The following SEC23IP variants were observed in gnomAD, a reference collection of about 807,000 sequenced individuals.
SEC23IP encodes SEC23 interacting protein.
In SEC23IP, 70 loss-of-function variants were observed where a neutral mutation model predicts 113.4. The ratio of observed to expected loss-of-function variants is 0.62; its 90% CI spans 0.51 to 0.75. SEC23IP has a LOEUF of 0.75. Ranked by LOEUF, SEC23IP falls within the 30% of genes least tolerant of loss-of-function variation. The probability of loss-of-function intolerance (pLI) is 0.00; values close to 1 mark genes in which losing one functional copy is unlikely to be tolerated. For missense variants in SEC23IP, 1,160 were observed against 1,204.9 expected, an observed-to-expected ratio of 0.96 and a Z score of 0.55; for synonymous variants, 398 against 421.0, an observed-to-expected ratio of 0.95 and a Z score of 0.67.
intron 11 of SEC23IP, 96 bp downstream of exon 11, chr10:119,919,692 G>C (rs1003698103): frequency 6.3e-6 from 6 of 949,284 alleles, no homozygotes; most frequent in African/African-American, 1.7e-5. Flanking sequence ...ATACACTCCA[G>C]AGTAGACAAA....
At chr10:119,935,169 A>G (rs1315794331) in intron 18 of SEC23IP, among the ~76,000 whole-genome samples, 2 of 152,132 alleles carry the variant, frequency 1.3e-5, no homozygotes, top group African/African-American at 2.4e-5. Context: ...CTTTTTTAAA[A>G]GACAAAAGAG....
intron 12 of SEC23IP, among the ~76,000 whole-genome samples, chr10:119,924,788 T>C (rs546431384): frequency 6.6e-6 from 1 of 152,164 alleles, no homozygotes; most frequent in Admixed American, 6.5e-5. Flanking sequence ...TAAAAAATTA[T>C]ATTTTTTGAG....
At chr10:119,924,280 C>T (rs1054650919) in intron 12 of SEC23IP, among the ~76,000 whole-genome samples, 4 of 152,248 alleles carry the variant, frequency 2.6e-5, no homozygotes, top group Admixed American at 6.5e-5. Flanking sequence ...CTGTTTAAAT[C>T]GAGACTAACA....
chr10:119,932,003 G>A (rs761144640), intron 15 of SEC23IP, 130 bp from the exon 16 acceptor site: 11 of 581,742 alleles, frequency 1.9e-5, no homozygotes, highest in South Asian at 5.0e-5. Flanking sequence ...GAGGCACTCC[G>A]TATATTTGAC....
At position 119,898,732 on chromosome 10, in the gene SEC23IP, C is replaced by A. The variant is rs752771895; in HGVS notation, c.469C>A (p.Pro157Thr). 9 of 1,614,090 alleles carry A rather than the reference C, an allele frequency of 5.6e-6. No individual in the cohort carries two copies. Among genetic ancestry groups the A allele is most frequent in the East Asian group, 2.2e-5 (1 of 44,902 alleles). ...ACTGATGGGAATAAATTCTTATCTG[C>A]CTTCTCAGCCAAGTAGTCTCCCTCC... The part of the protein sequence containing the change: ...SSLMGINSYL[P>T]SQPSSLPPSY... Residue 157 changes from proline to threonine, a missense_variant, in exon 2 of 19, where the codon CCT becomes ACT. Pro to Thr is a conservative substitution (Grantham distance 38). Coordinates refer to ENST00000369075, the MANE Select transcript of SEC23IP (RefSeq NM_007190.4).
Position 119,892,806 on chromosome 10 carries a change from T to C in SEC23IP, c.24T>C (p.Gly8=), listed in dbSNP as rs762792486. 1 of 1,612,062 alleles carries C rather than the reference T, an allele frequency of 6.2e-7. No homozygotes were observed. Among genetic ancestry groups the C allele is most frequent in the South Asian group, 1.1e-5 (1 of 90,718 alleles). The change falls in exon 1 of 19, where the codon GGT becomes GGC. Residue 8 remains glycine (G), a synonymous_variant. Coordinates refer to ENST00000369075, the MANE Select transcript of SEC23IP (RefSeq NM_007190.4). MAERKPN[G]GSGGASTSSS... Reference sequence around the variant, plus strand: ...CCATGGCCGAGAGAAAACCTAACGGTGGCAGCGGCGGCGCCTCCACTTCCT... The same window carrying C: ...CCATGGCCGAGAGAAAACCTAACGGCGGCAGCGGCGGCGCCTCCACTTCCT...
In SEC23IP at chr10:119,898,727, A is replaced by G; in HGVS notation, c.464A>G (p.Tyr155Cys). 6 of 1,614,212 alleles carry G rather than the reference A, an allele frequency of 3.7e-6. No individual in the cohort carries two copies. Among genetic ancestry groups the G allele is most frequent in the Non-Finnish European group, 5.1e-6 (6 of 1,180,038 alleles). The change falls in exon 2 of 19, where the codon TAT becomes TGT. Residue 155 changes from tyrosine to cysteine, a missense_variant. Transcript: ENST00000369075. Reference sequence around the variant, plus strand: ...TCCTCACTGATGGGAATAAATTCTTATCTGCCTTCTCAGCCAAGTAGTCTC... The same window carrying G: ...TCCTCACTGATGGGAATAAATTCTTGTCTGCCTTCTCAGCCAAGTAGTCTC... ...PPSSLMGINS[Y>C]LPSQPSSLPP...
chr10:119,898,313 T>C (rs1369235077), intron 1 of SEC23IP, 114 bp from the exon 2 acceptor site: 5 of 1,352,926 alleles, frequency 3.7e-6, no homozygotes. Context: ...AATGCAGAAA[T>C]AGCAAGTTTG....
intron 13 of SEC23IP, among the ~76,000 whole-genome samples, chr10:119,927,643 A>T (rs1226524507): frequency 6.6e-6 from 1 of 152,156 alleles, no homozygotes; most frequent in Non-Finnish European, 1.5e-5. Context: ...ATCTCATTTT[A>T]ACTTGATTAC....
At chr10:119,900,281 A>ATGTG (rs35080845) in intron 2 of SEC23IP, among the ~76,000 whole-genome samples, 73 of 137,148 alleles carry the variant, frequency 5.3e-4, no homozygotes, top group Middle Eastern at 3.8e-3. Context: ...GTGTGTGTGT[A>ATGTG]TGTGTGTGTG....
intron 18 of SEC23IP, among the ~76,000 whole-genome samples, chr10:119,937,178 G>C (rs1178194870): frequency 6.6e-6 from 1 of 151,768 alleles, no homozygotes; most frequent in Non-Finnish European, 1.5e-5. Context: ...CCCGGCCAGG[G>C]TCCTTTTCTT....
chr10:119,932,114 G>T lies in SEC23IP; in HGVS notation c.2573-19G>T. 6.4e-7 allele frequency: 1 copy of T among 1,553,328 alleles called. No homozygotes were observed. The highest frequency in any genetic ancestry group is 1.1e-5 in the South Asian group (1 of 88,778). Reference sequence around the variant, plus strand: ...ACCCAGTGACTAATTAACTTGTTGTGTCATCTTAATCTCTTTAGAATTGAA... The same window carrying T: ...ACCCAGTGACTAATTAACTTGTTGTTTCATCTTAATCTCTTTAGAATTGAA... On this transcript the variant is annotated intron_variant, in intron 15 of 18. Coordinates refer to ENST00000369075, the MANE Select transcript of SEC23IP (RefSeq NM_007190.4).
In SEC23IP at chr10:119,941,465, T is replaced by C. The variant is rs186103689; in HGVS notation, c.*900T>C. 6.6e-6 allele frequency: 1 copy of C among 152,410 alleles called. No individual in the cohort carries two copies. The highest frequency in any genetic ancestry group is 1.9e-4 in the East Asian group (1 of 5,196). 9.4% of individuals were successfully genotyped at this position (152,410 alleles called of 1,614,324 possible). ...TTCTGAGTTATATAAGGCTACTTCA[T>C]GACAAGACTGCTTTGTAATATTTCA... On this transcript the variant is annotated 3_prime_UTR_variant, in exon 19 of 19. Transcript: ENST00000369075.
At chr10:119,926,898 CT>C (rs1564921738) in intron 13 of SEC23IP, among the ~76,000 whole-genome samples, 2 of 151,698 alleles carry the variant, frequency 1.3e-5, no homozygotes, top group African/African-American at 4.8e-5. Flanking sequence ...TCTTTTTTCC[CT>C]TTTTGGAGAC....
chr10:119,926,949 C>T (rs921828082), intron 13 of SEC23IP, among the ~76,000 whole-genome samples: 2 of 152,074 alleles, frequency 1.3e-5, no homozygotes, highest in African/African-American at 4.8e-5. Context: ...TGCAGTGATG[C>T]AATCATAGCC....
At chr10:119,913,593 G>A (rs1854943395) in intron 6 of SEC23IP, among the ~76,000 whole-genome samples, 1 of 151,296 alleles carries the variant, frequency 6.6e-6, no homozygotes, top group African/African-American at 2.4e-5. Flanking sequence ...CTGGGTTCAA[G>A]CAATTCTTGT....
At chr10:119,903,813 T>G (rs1019347216) in intron 3 of SEC23IP, among the ~76,000 whole-genome samples, 1 of 152,196 alleles carries the variant, frequency 6.6e-6, no homozygotes, top group Non-Finnish European at 1.5e-5. Context: ...AACCTCTGCT[T>G]CTTGGGTTCA....
At chr10:119,915,951 G>T (rs187517185) in intron 8 of SEC23IP, 62 bp downstream of exon 8, 2 of 1,303,210 alleles carry the variant, frequency 1.5e-6, no homozygotes. Context: ...GATTTAAACC[G>T]TAATATGAAA....
intron 1 of SEC23IP, among the ~76,000 whole-genome samples, chr10:119,894,746 C>T (rs1387595022): frequency 1.2e-4 from 19 of 152,090 alleles, no homozygotes; most frequent in Admixed American, 1.2e-3. Context: ...ATCCTCTGCA[C>T]CATTAAAGTT....
Sources: allele counts gnomAD v4.1 joint callset (sites outside exome capture counted in the v4.1 genomes callset), GRCh38; gene constraint gnomAD v4.1.1; transcripts MANE v1.5; gene names NCBI Gene and HGNC (gene_info 2026-07-23, HGNC 2026-07-21).